Variants in MACF1 observed in about 807,000 individuals in gnomAD.
The protein encoded by MACF1 is microtubule-actin cross-linking factor 1.
In MACF1, 193 loss-of-function variants were observed where a neutral mutation model predicts 854.8. The observed-to-expected ratio is 0.23, with a 90% CI of 0.20 to 0.25. The LOEUF is 0.25. Ranked by LOEUF, MACF1 falls within the 10% of genes least tolerant of loss-of-function variation. The pLI is 1.00. For missense variants in MACF1, 7,722 were observed against 8,929.1 expected (o/e 0.86, Z 5.45); for synonymous variants, 3,185 against 3,226.7 (o/e 0.99, Z 0.44).
intron 2 of MACF1, among the ~76,000 whole-genome samples, chr1:39,186,092 A>G (rs145981577): frequency 5.3e-5 from 8 of 151,872 alleles, no homozygotes; most frequent in African/African-American, 1.2e-4. Context: ...AGGAGTGGAT[A>G]AGGGAGAAAT....
rs763658045 is a variant in MACF1 at position 39,331,493 on chromosome 1, G to A, written c.4905G>A (p.Val1635=). The change falls in exon 37 of 101, where the codon GTG becomes GTA. Residue 1635 remains valine (V), a synonymous_variant. Transcript: ENST00000564288. ...LTESRGPLSV[V]EAIEKRIISE... is the part of the protein sequence containing the mutation. ...AGAGCAGAGGCCCTCTTTCTGTGGT[G>A]GAAGCAATTGAAAAGAGAATAATCA... 2.5e-6 allele frequency: 4 copies of A among 1,614,116 alleles called. No individual in the cohort carries two copies. The highest frequency in any genetic ancestry group is 3.4e-6 in the Non-Finnish European group (4 of 1,180,036).
At chr1:39,372,190 A>G (rs569529487) in intron 51 of MACF1, among the ~76,000 whole-genome samples, 1 of 152,312 alleles carries the variant, frequency 6.6e-6, no homozygotes, top group African/African-American at 2.4e-5. Context: ...CTTGGAATTC[A>G]CAGACTGTCC....
At chr1:39,239,615 C>A (rs74066718) in intron 2 of MACF1, among the ~76,000 whole-genome samples, 4,580 of 152,232 alleles carry the variant, frequency 0.03, 236 homozygotes, top group African/African-American at 0.1. Context: ...TATGCCATAT[C>A]TCTGGGTGCT....
intron 58 of MACF1, among the ~76,000 whole-genome samples, chr1:39,408,213 C>T (rs915598090): frequency 1.3e-5 from 2 of 152,174 alleles, no homozygotes; most frequent in African/African-American, 4.8e-5. Context: ...CCATTTTCTT[C>T]CGTCATTGAT....
At chr1:39,461,732 C>T in intron 92 of MACF1, 151 bp from the exon 93 acceptor site, 2 of 480,560 alleles carry the variant, frequency 4.2e-6, no homozygotes, top group Non-Finnish European at 7.0e-6. Flanking sequence ...ACGGAAGTTG[C>T]AGTGAGCCGA....
intron 2 of MACF1, among the ~76,000 whole-genome samples, chr1:39,171,370 T>C (rs182277192): frequency 3.3e-5 from 5 of 152,294 alleles, no homozygotes; most frequent in Non-Finnish European, 5.9e-5. Context: ...ACCATGACTA[T>C]TGAATTGCAG....
intron 2 of MACF1, among the ~76,000 whole-genome samples, chr1:39,147,007 C>A (rs1338538401): frequency 6.6e-6 from 1 of 151,664 alleles, no homozygotes; most frequent in Non-Finnish European, 1.5e-5. Context: ...TGTTTATTTT[C>A]TTCTTCTTCT....
At chr1:39,161,693 C>T (rs1478474404) in intron 2 of MACF1, among the ~76,000 whole-genome samples, 3 of 151,770 alleles carry the variant, frequency 2.0e-5, no homozygotes, top group East Asian at 1.9e-4. Flanking sequence ...GATGAAACTC[C>T]GTCTCTACTA....
intron 6 of MACF1, among the ~76,000 whole-genome samples, chr1:39,274,430 T>C (rs1314477019): frequency 6.6e-6 from 1 of 152,176 alleles, no homozygotes; most frequent in African/African-American, 2.4e-5. Context: ...GCATCTGTAA[T>C]GAACATGTAC....
At chr1:39,119,542 G>A (rs561793495) in intron 2 of MACF1, among the ~76,000 whole-genome samples, 1 of 152,056 alleles carries the variant, frequency 6.6e-6, no homozygotes, top group Admixed American at 6.6e-5. Context: ...TTCATGAATT[G>A]AGCTACTTTG....
intron 2 of MACF1, among the ~76,000 whole-genome samples, chr1:39,122,255 CTTT>C (rs138256170): frequency 6.6e-5 from 9 of 135,866 alleles, no homozygotes; most frequent in African/African-American, 8.1e-5. Context: ...TGGTAATATT[CTTT>C]TTTTTTTTTT....
In MACF1 at chr1:39,451,172, G is replaced by A. The variant is rs141432493; in HGVS notation, c.20379G>A (p.Gly6793=). ...PQLAEDQPVH[G]DLDLVMNLMD... ...TGGCTGAGGACCAGCCCGTGCACGG[G>A]GACCTTGACCTCGTCATGAACCTCA... Residue 6793 remains glycine, a synonymous_variant, in exon 85 of 101, where the codon GGG becomes GGA. Coordinates refer to ENST00000564288, the MANE Select transcript of MACF1 (RefSeq NM_001394062.1). The A allele has an allele frequency of 1.7e-5, 28 of 1,613,966 alleles. No individual in the cohort carries two copies. In the African/African-American group the frequency reaches 3.6e-4, roughly 21 times the overall value.
rs752241645 is a variant in MACF1 at position 39,428,071 on chromosome 1, A to G, written c.16587A>G (p.Glu5529=). ...CTGCAGAACAGGGTGTGCTGTCAGA[A>G]AAGATAGACTCATTGCAGGCCCGAT... ...TSPAEQGVLS[E]KIDSLQARYS... is the part of the protein sequence containing the mutation. The change falls in exon 63 of 101, where the codon GAA becomes GAG. Residue 5529 remains glutamate, a synonymous_variant. Coordinates refer to ENST00000564288, the MANE Select transcript of MACF1 (RefSeq NM_001394062.1). The G allele has an allele frequency of 9.2e-5, 149 of 1,614,058 alleles. No individual in the cohort carries two copies. Among genetic ancestry groups the G allele is most frequent in the Non-Finnish European group, 1.2e-4 (146 of 1,180,026 alleles).
At position 39,220,396 on chromosome 1, in the gene MACF1, C is replaced by T. The variant is rs1414641785; in HGVS notation, c.110-10786C>T. Among the ~76,000 whole-genome samples, 5 of 151,684 alleles carry T rather than the reference C, an allele frequency of 3.3e-5. No individual in the cohort carries two copies. The South Asian group carries it at 1.0e-3, about 32-fold the overall frequency. ...CCATATTGGCCAGGCTGGTCTCGAA[C>T]TCCTGACCTCAAGTGATCTGCCCAC... On this transcript the variant is annotated intron_variant, in intron 1 of 100. Transcript: ENST00000564288.
At chr1:39,422,128 AAG>A (rs370299039) in intron 58 of MACF1, among the ~76,000 whole-genome samples, 10 of 152,198 alleles carry the variant, frequency 6.6e-5, no homozygotes, top group African/African-American at 2.4e-4. Context: ...GAACAAAGGA[AAG>A]AGTCATTGGG....
intron 2 of MACF1, among the ~76,000 whole-genome samples, chr1:39,165,495 T>C (rs1643873029): frequency 6.6e-6 from 1 of 152,202 alleles, no homozygotes; most frequent in South Asian, 2.1e-4. Flanking sequence ...TGCTGCTGTT[T>C]TTGCAATGTG....
intron 15 of MACF1, among the ~76,000 whole-genome samples, chr1:39,289,853 C>T (rs890872710): frequency 1.3e-5 from 2 of 151,796 alleles, no homozygotes; most frequent in Non-Finnish European, 2.9e-5. Context: ...AGGCACGCGC[C>T]ACCATGCCCA....
At chr1:39,293,344 A>C in intron 17 of MACF1, 114 bp from the exon 18 acceptor site, 13 of 1,004,016 alleles carry the variant, frequency 1.3e-5, no homozygotes, top group African/African-American at 1.6e-5. Context: ...GGAAAAATCC[A>C]GAGATTAAGA....
At chr1:39,402,604 T>C (rs947263222) in intron 58 of MACF1, among the ~76,000 whole-genome samples, 1 of 152,158 alleles carries the variant, frequency 6.6e-6, no homozygotes, top group African/African-American at 2.4e-5. Context: ...CACAGTGTCA[T>C]GGAAGTCAAA....
Sources: gnomAD v4.1 joint callset for allele counts (sites outside exome capture counted in the v4.1 genomes callset) on GRCh38, gnomAD v4.1.1 for gene constraint, MANE v1.5 for transcripts, NCBI Gene and HGNC (gene_info 2026-07-23, HGNC 2026-07-21) for gene names.